The following SLA2 variants were observed in gnomAD, a reference collection of about 807,000 sequenced individuals.
SLA2 encodes src-like-adapter 2.
In SLA2, 22 loss-of-function variants were observed where a neutral mutation model predicts 27.3. The observed-to-expected ratio is 0.81, with a 90% CI of 0.58 to 1.15. SLA2 has a LOEUF of 1.15. Ranked by LOEUF, SLA2 falls within the 50% of genes most tolerant of loss-of-function variation. The probability of loss-of-function intolerance (pLI) is 0.00; values close to 1 mark genes in which losing one functional copy is unlikely to be tolerated. For synonymous variants in SLA2, 131 were observed against 137.8 expected (o/e 0.95, Z 0.34); for missense variants, 304 against 322.2 (o/e 0.94, Z 0.43).
intron 1 of SLA2, among the ~76,000 whole-genome samples, chr20:36,644,444 T>C (rs1978286056): frequency 6.6e-6 from 1 of 152,212 alleles, no homozygotes; most frequent in Non-Finnish European, 1.5e-5. Context: ...GGGTGCTCAG[T>C]AAGGCTTAGT....
intron 5 of SLA2, chr20:36,621,232 G>T: frequency 1.9e-6 from 1 of 539,730 alleles, no homozygotes; most frequent in East Asian, 4.5e-5. Flanking sequence ...CAATGAAGGA[G>T]GAAATTTTGG....
intron 5 of SLA2, among the ~76,000 whole-genome samples, chr20:36,618,983 T>C (rs1600817547): frequency 6.8e-6 from 1 of 147,976 alleles, no homozygotes; most frequent in Admixed American, 6.8e-5. Flanking sequence ...CCCAACACTT[T>C]GGGAGGTTGA....
chr20:36,614,109 G>T, intron 7 of SLA2, 123 bp from the exon 8 acceptor site: 1 of 1,490,482 alleles, frequency 6.7e-7, no homozygotes, highest in Non-Finnish European at 9.1e-7. Context: ...GGGCTCCCCT[G>T]TTCCCTATCA....
chr20:36,631,930 C>T (rs758481243), intron 5 of SLA2, among the ~76,000 whole-genome samples: 1 of 152,178 alleles, frequency 6.6e-6, no homozygotes, highest in Non-Finnish European at 1.5e-5. Flanking sequence ...GTTAGGCAAA[C>T]GCGACGCCTT....
intron 6 of SLA2, chr20:36,614,852 T>TGTC (rs2039189240): frequency 1.0e-6 from 1 of 985,264 alleles, no homozygotes; most frequent in Admixed American, 6.2e-5. Flanking sequence ...CATCTTCCAG[T>TGTC]GTCTGTTGAA....
At chr20:36,636,578 C>T (rs1255732655) in intron 2 of SLA2, among the ~76,000 whole-genome samples, 2 of 132,258 alleles carry the variant, frequency 1.5e-5, no homozygotes, top group African/African-American at 5.6e-5. Context: ...GCACTCCAGC[C>T]TGGGCAACAA....
At chr20:36,623,655 A>AT (rs930292371) in intron 5 of SLA2, among the ~76,000 whole-genome samples, 85 of 147,786 alleles carry the variant, frequency 5.8e-4, no homozygotes, top group African/African-American at 1.5e-3. Context: ...TTGTACCTTT[A>AT]TTTTTTTTTT....
intron 5 of SLA2, among the ~76,000 whole-genome samples, chr20:36,623,496 A>G (rs2039306485): frequency 6.6e-6 from 1 of 152,288 alleles, no homozygotes; most frequent in East Asian, 1.9e-4. Flanking sequence ...GTAGATAATC[A>G]TAAGGAATCT....
chr20:36,631,655 C>G (rs956179867), intron 5 of SLA2, among the ~76,000 whole-genome samples: 1 of 152,154 alleles, frequency 6.6e-6, no homozygotes, highest in African/African-American at 2.4e-5. Context: ...CTGTGGATCT[C>G]AAATAGAGGT....
chr20:36,637,511 A>G (rs1054147440), intron 2 of SLA2, among the ~76,000 whole-genome samples: 1 of 151,602 alleles, frequency 6.6e-6, no homozygotes, highest in Non-Finnish European at 1.5e-5. Flanking sequence ...TAAGGTTTCA[A>G]TCCTTTTGAG....
At chr20:36,626,386 G>C (rs369685453) in intron 5 of SLA2, among the ~76,000 whole-genome samples, 1 of 148,480 alleles carries the variant, frequency 6.7e-6, no homozygotes, top group African/African-American at 2.5e-5. Context: ...ACGAGACTCC[G>C]TCTAAAAAAA....
chr20:36,626,653 C>A (rs2039341648), intron 5 of SLA2, among the ~76,000 whole-genome samples: 2 of 151,934 alleles, frequency 1.3e-5, no homozygotes, highest in African/African-American at 4.8e-5. Context: ...CGAGACCATC[C>A]TGGCTAACAT....
chr20:36,634,399 TA>T, intron 3 of SLA2, 90 bp downstream of exon 3: 1 of 988,772 alleles, frequency 1.0e-6, no homozygotes, highest in Non-Finnish European at 1.5e-6. Flanking sequence ...TTCTCCCACC[TA>T]AGCCTCCCAG....
rs755596637 is a variant in SLA2, at chr20:36,613,901, G to C, written c.751C>G (p.Leu251Val). ...TCCAAAGAGACAGCCTCGTCATTCA[G>C]GCTGATGTAGAAGCTGAGGGACTCC... ...LRESLSFYISLNDEAVSLDDA is the reference protein window; with the variant it reads ...LRESLSFYISVNDEAVSLDDA Residue 251 changes from leucine to valine, a missense_variant, in exon 8 of 8, where the codon CTG becomes GTG. Coordinates refer to ENST00000262866, the MANE Select transcript of SLA2 (RefSeq NM_032214.4). 7 of 1,614,056 alleles carry C rather than the reference G, an allele frequency of 4.3e-6. No individual in the cohort carries two copies. The highest frequency in any genetic ancestry group is 5.9e-6 in the Non-Finnish European group (7 of 1,179,990).
rs1374657761 is a variant in SLA2, at chr20:36,623,287, A to AC, written c.383-7914_383-7913insG. The stretch of plus-strand genomic sequence containing the variant: ...ATCTCAAAAAAAAAAAAAAAAAAAA[A>AC]AAATCGACAGCATGCTTAATAGGAA... On this transcript the variant is annotated intron_variant, in intron 5 of 7. Transcript: ENST00000262866. 1.7e-3 allele frequency among the ~76,000 whole-genome samples: 257 copies of AC among 151,894 alleles called. 3 individuals carry two copies. The South Asian group carries it at 0.033, about 19-fold the overall frequency.
At chr20:36,614,847 TC>T in intron 6 of SLA2, 1 of 985,384 alleles carries the variant, frequency 1.0e-6, no homozygotes. Context: ...GACTGCATCT[TC>T]CAGTGTCTGT....
At chr20:36,633,919 T>C (rs560192459) in intron 3 of SLA2, among the ~76,000 whole-genome samples, 1 of 151,348 alleles carries the variant, frequency 6.6e-6, no homozygotes, top group Non-Finnish European at 1.5e-5. Flanking sequence ...CTGTGAGCGC[T>C]TCAGCAAAGG....
intron 2 of SLA2, among the ~76,000 whole-genome samples, chr20:36,635,300 C>T (rs376910933): frequency 6.6e-6 from 1 of 151,332 alleles, no homozygotes; most frequent in African/African-American, 2.4e-5. Context: ...TGTAAGGATT[C>T]CTTAGCACAT....
chr20:36,636,053 G>A (rs1201318027), intron 2 of SLA2, among the ~76,000 whole-genome samples: 1 of 152,042 alleles, frequency 6.6e-6, no homozygotes, highest in African/African-American at 2.4e-5. Context: ...TGAAGTCATG[G>A]ACTGTGCCAG....
Sources: allele counts gnomAD v4.1 joint callset (sites outside exome capture counted in the v4.1 genomes callset), GRCh38; gene constraint gnomAD v4.1.1; transcripts MANE v1.5; gene names NCBI Gene and HGNC (gene_info 2026-07-23, HGNC 2026-07-21).